The following SPNS1 variants were observed in gnomAD, a reference collection of about 807,000 sequenced individuals.
SPNS1 encodes protein spinster homolog 1.
A neutral mutation model predicts 50.3 loss-of-function variants in SPNS1; 22 were observed. That is an observed-to-expected ratio of 0.44 (90% CI 0.31 to 0.62). SPNS1 has a LOEUF of 0.62. Ranked by LOEUF, SPNS1 falls within the 20% of genes least tolerant of loss-of-function variation. SPNS1 has a pLI of 0.07. For missense variants in SPNS1, 576 were observed against 728.6 expected (o/e 0.79, Z 2.41); for synonymous variants, 295 against 317.4 (o/e 0.93, Z 0.75).
chr16:28,977,438 C>CTA (rs1965383757), intron 2 of SPNS1, among the ~76,000 whole-genome samples: 1 of 151,932 alleles, frequency 6.6e-6, no homozygotes. Flanking sequence ...CCTGAAGGAA[C>CTA]TATGCTCTGT....
Position 28,979,008 on chromosome 16 carries a change from G to A in SPNS1, c.445-147G>A, listed in dbSNP as rs1253004141. ...CCCCAAATCGCAGCTAGTAAGTGGT[G>A]GAGCCAGGATGCAAGCTCAGGTCTG... On this transcript the variant is annotated intron_variant, in intron 3 of 11. Transcript: ENST00000311008. 19 of 973,322 alleles carry A rather than the reference G, an allele frequency of 2.0e-5. No homozygotes were observed. In the East Asian group the frequency reaches 4.2e-4, roughly 22 times the overall value. 60.3% of individuals were successfully genotyped at this position (973,322 alleles called of 1,614,324 possible).
In SPNS1 at chr16:28,981,730, A is replaced by G. The variant is rs2141674291; in HGVS notation, c.809+115A>G. On this transcript the variant is annotated intron_variant, in intron 6 of 11. Transcript: ENST00000311008. This position sits in a 1 kb window ranked among gnomAD's most constrained non-coding sequence, Gnocchi z 4.2. ...CCCCAAGGCCAGTAATTCGGTCGAT[A>G]CTGTCCCCTTGTGGCAGCTGCTTGA... The G allele has an allele frequency of 2.0e-6, 3 of 1,505,948 alleles. No homozygotes were observed. Among genetic ancestry groups the G allele is most frequent in the Non-Finnish European group, 2.7e-6 (3 of 1,109,082 alleles). 93.3% of individuals were successfully genotyped at this position (1,505,948 alleles called of 1,614,324 possible). A position where few individuals can be genotyped will look rare whatever the true frequency, so the allele number is the denominator to read the frequency against.
In SPNS1 at chr16:28,978,056, A is replaced by G. The variant is rs775618063; in HGVS notation, c.444+12A>G. ...TCATCCCCGGAGAGGTGAGGCCCCA[A>G]GCTGGCTCCTGTTTCTGCCCACACC... On this transcript the variant is annotated intron_variant, in intron 3 of 11. Coordinates refer to ENST00000311008, the MANE Select transcript of SPNS1 (RefSeq NM_032038.3). The G allele has an allele frequency of 2.5e-6, 4 of 1,611,294 alleles. No individual in the cohort carries two copies. The highest frequency in any genetic ancestry group is 2.2e-5 in the South Asian group (2 of 90,778).
chr16:28,981,799 T>TG lies in SPNS1; in HGVS notation c.810-101dup. 1.3e-6 allele frequency: 2 copies of TG among 1,534,288 alleles called. No individual in the cohort carries two copies. The highest frequency in any genetic ancestry group is 1.2e-5 in the South Asian group (1 of 85,618). On this transcript the variant is annotated intron_variant, in intron 6 of 11. Transcript: ENST00000311008. The surrounding 1 kb of genome is among the most constrained non-coding windows in gnomAD (Gnocchi z 4.2). ...GGGAGCCAGAACCACCTCTGCACGG[T>TG]GTTGTGACCTTACTAAAATAAGCCA...
Position 28,981,593 on chromosome 16 carries a change from G to T in SPNS1, c.787G>T (p.Asp263Tyr). ...CCTGAACCCCACCTCGTGGTGGGCA[G>T]ATCTGAGGGCTCTGGCAAGAAAGTG... The part of the protein sequence containing the change: ...PPLNPTSWWA[D>Y]LRALARNPSF... The change falls in exon 6 of 12, where the codon GAT (aspartate) becomes TAT (tyrosine). Residue 263 changes from aspartate to tyrosine, a missense_variant. Asp to Tyr is a radical substitution (Grantham distance 160, BLOSUM62 -3). This residue lies in a region of SPNS1 where 428 missense variants were observed against 520.1 expected (regional missense o/e 0.82). Transcript: ENST00000311008. The surrounding 1 kb of genome is among the most constrained non-coding windows in gnomAD (Gnocchi z 4.2). 1.9e-6 allele frequency: 3 copies of T among 1,614,146 alleles called. No homozygotes were observed. Among genetic ancestry groups the T allele is most frequent in the Non-Finnish European group, 2.5e-6 (3 of 1,180,028 alleles).
At position 28,983,741 on chromosome 16, in the gene SPNS1, C is replaced by T; in HGVS notation, c.1321-45C>T. On this transcript the variant is annotated intron_variant, in intron 10 of 11. Transcript: ENST00000311008. This position sits in a 1 kb window ranked among gnomAD's most constrained non-coding sequence, Gnocchi z 5.4. Reference sequence around the variant, plus strand: ...CAGGGGCGTGCCCTCCCTGGTTCATCCATGAGGCTGACTCCCCTGGCTTTC... The same window carrying T: ...CAGGGGCGTGCCCTCCCTGGTTCATTCATGAGGCTGACTCCCCTGGCTTTC... 6.5e-7 allele frequency: 1 copy of T among 1,528,116 alleles called. No individual in the cohort carries two copies. The highest frequency in any genetic ancestry group is 8.8e-7 in the Non-Finnish European group (1 of 1,139,738). 94.7% of individuals were successfully genotyped at this position (1,528,116 alleles called of 1,614,324 possible). A position where few individuals can be genotyped will look rare whatever the true frequency, so the allele number is the denominator to read the frequency against.
In SPNS1 at chr16:28,984,309, G is replaced by A. The variant is rs367825225; in HGVS notation, c.*10G>A. On this transcript the variant is annotated 3_prime_UTR_variant, in exon 12 of 12. Coordinates refer to ENST00000311008, the MANE Select transcript of SPNS1 (RefSeq NM_032038.3). ...CAGTGTGCTCATCTGAGAGGCTGCC[G>A]CTCACCTACCTGCACATCTGCCACA... 5.4e-5 allele frequency: 87 copies of A among 1,610,066 alleles called. No homozygotes were observed. The Admixed American group carries it at 1.0e-3, about 19-fold the overall frequency.
chr16:28,984,436 C>T lies in SPNS1; in HGVS notation c.*137C>T. 1.2e-6 allele frequency: 1 copy of T among 854,932 alleles called. No homozygotes were observed. Among genetic ancestry groups the T allele is most frequent in the Non-Finnish European group, 1.9e-6 (1 of 524,200 alleles). 53.0% of individuals were successfully genotyped at this position (854,932 alleles called of 1,614,324 possible). A position where few individuals can be genotyped will look rare whatever the true frequency, so the allele number is the denominator to read the frequency against. ...CCGTGTGCCAGCTCCCAGACACTACCTGGGTAGCTCAGGGGAGGAGGTGGG... is the reference window on the plus strand; with the variant it reads ...CCGTGTGCCAGCTCCCAGACACTACTTGGGTAGCTCAGGGGAGGAGGTGGG... On this transcript the variant is annotated 3_prime_UTR_variant, in exon 12 of 12. Coordinates refer to ENST00000311008, the MANE Select transcript of SPNS1 (RefSeq NM_032038.3).
rs972307539 is a variant in SPNS1, at chr16:28,983,565, G to A, written c.1321-221G>A. Among the ~76,000 whole-genome samples the A allele has an allele frequency of 1.7e-4, 26 of 152,098 alleles. No homozygotes were observed. The highest frequency in any genetic ancestry group is 6.0e-4 in the African/African-American group (25 of 41,408). ...TGCCCAGGCTGCAGTGTAGTGGCACGATCATGGCTCACTGCAGCCTCGACC... is the reference window on the plus strand; with the variant it reads ...TGCCCAGGCTGCAGTGTAGTGGCACAATCATGGCTCACTGCAGCCTCGACC... On this transcript the variant is annotated intron_variant, in intron 10 of 11. Transcript: ENST00000311008. This position sits in a 1 kb window ranked among gnomAD's most constrained non-coding sequence, Gnocchi z 5.4.
Position 28,975,625 on chromosome 16 carries a change from G to C in SPNS1, c.307+68G>C, listed in dbSNP as rs74014832. On this transcript the variant is annotated intron_variant, in intron 2 of 11. Coordinates refer to ENST00000311008, the MANE Select transcript of SPNS1 (RefSeq NM_032038.3). ...TGTTCTGTCTCAAGTGGGGCCACGC[G>C]CTGGCCTGTCTAGGGGCTCATTAAT... The C allele has an allele frequency of 3.3e-3, 5,105 of 1,567,968 alleles. 162 individuals are homozygous for C. In the African/African-American group the frequency reaches 0.06, roughly 18 times the overall value.
At position 28,981,905 on chromosome 16, in the gene SPNS1, A is replaced by C; in HGVS notation, c.814A>C (p.Ser272Arg). Residue 272 changes from serine (S) to arginine (R), a missense_variant, in exon 7 of 12, where the codon AGT becomes CGT. Ser to Arg is a moderately radical substitution (Grantham distance 110, BLOSUM62 -1). Transcript: ENST00000311008. This position sits in a 1 kb window ranked among gnomAD's most constrained non-coding sequence, Gnocchi z 4.2. The stretch of plus-strand genomic sequence containing the variant: ...CTCCCTCCCAACTATCTGCAGTCCT[A>C]GTTTCGTCCTGTCTTCCCTGGGCTT... ...ADLRALARNP[S>R]FVLSSLGFTA... 1 of 1,614,006 alleles carries C rather than the reference A, an allele frequency of 6.2e-7. No homozygotes were observed.
chr16:28,984,192 C>T lies in SPNS1; in HGVS notation c.1493-13C>T. On this transcript the variant is annotated splice_polypyrimidine_tract_variant and intron_variant, in intron 11 of 11. Transcript: ENST00000311008. ...CCATCCAGCTCACCCTGGCTCTGAC[C>T]CTCCCCCCTCAGGCCTGCTGCACGA... The T allele has an allele frequency of 1.3e-6, 2 of 1,550,230 alleles. No homozygotes were observed. Among genetic ancestry groups the T allele is most frequent in the Admixed American group, 2.0e-5 (1 of 51,212 alleles).
chr16:28,984,221 A>G lies in SPNS1; in HGVS notation c.1509A>G (p.Ala503=). ...QLHVQGLLHE[A]GSTDDRIVVP... Reference sequence around the variant, plus strand: ...CCCCCTCAGGCCTGCTGCACGAAGCAGGGTCCACAGACGACCGGATTGTGG... The same window carrying G: ...CCCCCTCAGGCCTGCTGCACGAAGCGGGGTCCACAGACGACCGGATTGTGG... The change falls in exon 12 of 12, where the codon GCA becomes GCG. Residue 503 remains alanine, a synonymous_variant. Coordinates refer to ENST00000311008, the MANE Select transcript of SPNS1 (RefSeq NM_032038.3). 4 of 1,590,824 alleles carry G rather than the reference A, an allele frequency of 2.5e-6. No homozygotes were observed. Among genetic ancestry groups the G allele is most frequent in the Non-Finnish European group, 3.4e-6 (4 of 1,167,266 alleles).
At chr16:28,975,872 C>G (rs1965323829) in intron 2 of SPNS1, among the ~76,000 whole-genome samples, 1 of 152,166 alleles carries the variant, frequency 6.6e-6, no homozygotes, top group Admixed American at 6.5e-5. Context: ...TAAGATGGAA[C>G]AAGTAATAAC....
At position 28,981,397 on chromosome 16, in the gene SPNS1, C is replaced by G; in HGVS notation, c.664-73C>G. On this transcript the variant is annotated intron_variant, in intron 5 of 11. Coordinates refer to ENST00000311008, the MANE Select transcript of SPNS1 (RefSeq NM_032038.3). This position sits in a 1 kb window ranked among gnomAD's most constrained non-coding sequence, Gnocchi z 4.2. ...GGTCTCAGGCTGGAGTTATCTGTAC[C>G]CCACACTCTCCTCCAGCCCAGGGCT... 6.3e-7 allele frequency: 1 copy of G among 1,585,664 alleles called. No individual in the cohort carries two copies. Among genetic ancestry groups the G allele is most frequent in the Admixed American group, 1.7e-5 (1 of 59,402 alleles).
At chr16:28,975,977 A>T (rs1484258352) in intron 2 of SPNS1, among the ~76,000 whole-genome samples, 2 of 152,226 alleles carry the variant, frequency 1.3e-5, no homozygotes, top group Admixed American at 1.3e-4. Context: ...CACCCAGTAA[A>T]TAATGGCAGG....
rs1160671242 is a variant in SPNS1 at position 28,984,369 on chromosome 16, C to CCTAA, written c.*72_*75dup. The CCTAA allele has an allele frequency of 1.3e-6, 2 of 1,486,240 alleles. No individual in the cohort carries two copies. The highest frequency in any genetic ancestry group is 1.8e-5 in the Admixed American group (1 of 54,730). 92.1% of individuals were successfully genotyped at this position (1,486,240 alleles called of 1,614,324 possible). A position where few individuals can be genotyped will look rare whatever the true frequency, so the allele number is the denominator to read the frequency against. On this transcript the variant is annotated 3_prime_UTR_variant, in exon 12 of 12. Coordinates refer to ENST00000311008, the MANE Select transcript of SPNS1 (RefSeq NM_032038.3). ...GGGCCCACCCCACGAAGGGCCTGGGCCTAACCCCTTGGCCTGGCCCAGCTT... is the reference window on the plus strand; with the variant it reads ...GGGCCCACCCCACGAAGGGCCTGGGCCTAACTAACCCCTTGGCCTGGCCCAGCTT...
chr16:28,977,777 C>T, intron 2 of SPNS1, 131 bp from the exon 3 acceptor site: 2 of 1,169,484 alleles, frequency 1.7e-6, no homozygotes, highest in South Asian at 1.5e-5. Context: ...GGGCTTCAGG[C>T]TGGGATGTGG....
At position 28,975,402 on chromosome 16, in the gene SPNS1, C is replaced by T. The variant is rs763166337; in HGVS notation, c.241+10C>T. The T allele has an allele frequency of 6.2e-7, 1 of 1,613,534 alleles. No homozygotes were observed. Among genetic ancestry groups the T allele is most frequent in the South Asian group, 1.1e-5 (1 of 91,032 alleles). Reference sequence around the variant, plus strand: ...CGCTTCACCGTGGCTGGTAGGGACTCACTTCTGGGAGGAAGATAGTCTAGG... The same window carrying T: ...CGCTTCACCGTGGCTGGTAGGGACTTACTTCTGGGAGGAAGATAGTCTAGG... On this transcript the variant is annotated intron_variant, in intron 1 of 11. Coordinates refer to ENST00000311008, the MANE Select transcript of SPNS1 (RefSeq NM_032038.3).
Sources: allele counts gnomAD v4.1 joint callset (sites outside exome capture counted in the v4.1 genomes callset), GRCh38; gene constraint gnomAD v4.1.1; regional missense constraint gnomAD v4.1.1; non-coding constraint Gnocchi (gnomAD v3.1); transcripts MANE v1.5; gene names NCBI Gene and HGNC (gene_info 2026-07-23, HGNC 2026-07-21).